The following MLLT3 variants were observed in gnomAD, a reference collection of about 807,000 sequenced individuals.
MLLT3 encodes protein AF-9.
In MLLT3, 4 loss-of-function variants were observed where a neutral mutation model predicts 53.2. The ratio of observed to expected loss-of-function variants is 0.08; its 90% CI spans 0.04 to 0.17. MLLT3 has a LOEUF of 0.17. Among genes scored for constraint, MLLT3 ranks in the 10% least tolerant of loss-of-function variants. MLLT3 has a pLI of 1.00. For missense variants in MLLT3, 569 were observed against 684.0 expected (o/e 0.83, Z 1.87); for synonymous variants, 283 against 230.6 (o/e 1.23, Z -2.06).
chr9:20,404,115 C>T (rs1431766948), intron 5 of MLLT3, among the ~76,000 whole-genome samples: 1 of 152,170 alleles, frequency 6.6e-6, no homozygotes, highest in African/African-American at 2.4e-5. Context: ...ACCACCGCGC[C>T]CAGTCAGATA....
intron 1 of MLLT3, 61 bp downstream of exon 1, chr9:20,622,184 G>C: frequency 6.6e-7 from 1 of 1,515,556 alleles, no homozygotes. Context: ...GGGCTGCGGC[G>C]GCGCAGGGCG....
At chr9:20,540,135 T>C (rs757995296) in intron 2 of MLLT3, among the ~76,000 whole-genome samples, 116 of 152,220 alleles carry the variant, frequency 7.6e-4, no homozygotes, top group Non-Finnish European at 1.5e-3. Flanking sequence ...CCCAAGGCCT[T>C]GGGCAGCTCT....
chr9:20,569,656 G>A (rs956676060), intron 2 of MLLT3, among the ~76,000 whole-genome samples: 1 of 152,128 alleles, frequency 6.6e-6, no homozygotes, highest in Non-Finnish European at 1.5e-5. Context: ...GGAAAACTCA[G>A]CGGTGTCCTT....
At chr9:20,511,372 A>G (rs970380631) in intron 2 of MLLT3, among the ~76,000 whole-genome samples, 8 of 152,376 alleles carry the variant, frequency 5.3e-5, no homozygotes, top group African/African-American at 1.7e-4. Flanking sequence ...AAAAATTGCA[A>G]TTGCAATACC....
chr9:20,556,787 A>AT (rs1003237274), intron 2 of MLLT3, among the ~76,000 whole-genome samples: 7 of 152,140 alleles, frequency 4.6e-5, no homozygotes, highest in Non-Finnish European at 8.8e-5. Flanking sequence ...TTGTTCACTG[A>AT]TTTTTTTAAT....
intron 2 of MLLT3, among the ~76,000 whole-genome samples, chr9:20,510,216 C>A (rs1825497205): frequency 6.6e-6 from 1 of 151,612 alleles, no homozygotes; most frequent in African/African-American, 2.4e-5. Flanking sequence ...AAAAAGAATC[C>A]AAGAAGGAAA....
chr9:20,434,911 G>A (rs147153247), intron 4 of MLLT3, among the ~76,000 whole-genome samples: 1 of 152,254 alleles, frequency 6.6e-6, no homozygotes, highest in Non-Finnish European at 1.5e-5. Flanking sequence ...TCCACATCTT[G>A]TTGGGAAAAT....
chr9:20,362,028 T>C (rs1587154491), intron 7 of MLLT3, among the ~76,000 whole-genome samples: 3 of 152,350 alleles, frequency 2.0e-5, no homozygotes, highest in East Asian at 1.9e-4. Context: ...AAGTGTTCAG[T>C]TGAAGTGCTG....
At chr9:20,354,289 G>T (rs975447368) in intron 9 of MLLT3, among the ~76,000 whole-genome samples, 2 of 152,244 alleles carry the variant, frequency 1.3e-5, no homozygotes, top group Non-Finnish European at 2.9e-5. Flanking sequence ...TAGTGTAACT[G>T]CATGGGTGCC....
intron 2 of MLLT3, among the ~76,000 whole-genome samples, chr9:20,547,924 T>C (rs193137215): frequency 1.3e-5 from 2 of 152,310 alleles, no homozygotes; most frequent in East Asian, 3.9e-4. Context: ...TGCACTCCCA[T>C]CTGGACAACG....
chr9:20,388,038 T>G (rs1446316641), intron 5 of MLLT3, among the ~76,000 whole-genome samples: 1 of 152,206 alleles, frequency 6.6e-6, no homozygotes, highest in Non-Finnish European at 1.5e-5. Flanking sequence ...TATGGCCAAT[T>G]TGATGTTTAT....
chr9:20,614,990 G>T (rs1258867114), intron 2 of MLLT3, among the ~76,000 whole-genome samples: 1 of 146,908 alleles, frequency 6.8e-6, no homozygotes, highest in African/African-American at 2.5e-5. Flanking sequence ...TTCTACAGAG[G>T]GGCACCTACA....
At chr9:20,374,626 T>C (rs887349521) in intron 5 of MLLT3, among the ~76,000 whole-genome samples, 1 of 152,256 alleles carries the variant, frequency 6.6e-6, no homozygotes, top group African/African-American at 2.4e-5. Flanking sequence ...AGAAATTTTA[T>C]TATCATTTGG....
chr9:20,546,857 G>C (rs780712407), intron 2 of MLLT3, among the ~76,000 whole-genome samples: 1 of 152,236 alleles, frequency 6.6e-6, no homozygotes, highest in Non-Finnish European at 1.5e-5. Flanking sequence ...TGTTAGAGGA[G>C]GGTGCTAAGT....
chr9:20,620,557 G>C lies in MLLT3; in HGVS notation c.193+97C>G. The C allele has an allele frequency of 1.8e-6, 2 of 1,135,820 alleles. No individual in the cohort carries two copies. Among genetic ancestry groups the C allele is most frequent in the Non-Finnish European group, 2.3e-6 (2 of 856,986 alleles). 70.4% of individuals were successfully genotyped at this position (1,135,820 alleles called of 1,614,324 possible). A position where few individuals can be genotyped will look rare whatever the true frequency, so the allele number is the denominator to read the frequency against. ...ATCCCGAGGCTACGCCGGCGAGCGCGGCGCGGGGGGCGGGGAGCGGGACAG... is the reference window on the plus strand; with the variant it reads ...ATCCCGAGGCTACGCCGGCGAGCGCCGCGCGGGGGGCGGGGAGCGGGACAG... On this transcript the variant is annotated intron_variant, in intron 2 of 10. Coordinates refer to ENST00000380338, the MANE Select transcript of MLLT3 (RefSeq NM_004529.4). This position sits in a 1 kb window ranked among gnomAD's most constrained non-coding sequence, Gnocchi z 6.1.
chr9:20,576,992 A>G (rs10481565), intron 2 of MLLT3, among the ~76,000 whole-genome samples: 2,317 of 152,236 alleles, frequency 0.015, 68 homozygotes, highest in African/African-American at 0.053. Context: ...AAATCACACT[A>G]TATCTGCAAA....
At chr9:20,422,982 A>G (rs984008103) in intron 4 of MLLT3, among the ~76,000 whole-genome samples, 7 of 152,168 alleles carry the variant, frequency 4.6e-5, no homozygotes, top group Admixed American at 4.6e-4. Context: ...TAAGTGAGGA[A>G]ACTGAGGTAC....
At chr9:20,466,999 T>C (rs1824253203) in intron 2 of MLLT3, among the ~76,000 whole-genome samples, 1 of 152,178 alleles carries the variant, frequency 6.6e-6, no homozygotes, top group African/African-American at 2.4e-5. Context: ...AAGTAGGTTA[T>C]AATACAAGCT....
intron 2 of MLLT3, among the ~76,000 whole-genome samples, chr9:20,532,048 G>A (rs1053694149): frequency 1.3e-5 from 2 of 152,016 alleles, no homozygotes; most frequent in Non-Finnish European, 2.9e-5. Flanking sequence ...AAATTAAAAC[G>A]ATTGCAAGTT....
Sources: gnomAD v4.1 joint callset for allele counts (sites outside exome capture counted in the v4.1 genomes callset) on GRCh38, gnomAD v4.1.1 for gene constraint, Gnocchi (gnomAD v3.1) non-coding constraint, MANE v1.5 for transcripts, NCBI Gene and HGNC (gene_info 2026-07-23, HGNC 2026-07-21) for gene names.